NRXN3: variants seen among roughly 807,000 people sequenced by gnomAD.
NRXN3 encodes the protein neurexin III.
NRXN3 carries 32 observed loss-of-function variants against 137.6 expected under a neutral mutation model. That is an observed-to-expected ratio of 0.23 (90% CI 0.18 to 0.31). The LOEUF is 0.31. Ranked by LOEUF, NRXN3 falls within the 10% of genes least tolerant of loss-of-function variation. The probability of loss-of-function intolerance (pLI) is 1.00; values close to 1 mark genes in which losing one functional copy is unlikely to be tolerated. For synonymous variants in NRXN3, 798 were observed against 784.5 expected, an observed-to-expected ratio of 1.02 and a Z score of -0.29; for missense variants, 1,574 against 2,062.5, an observed-to-expected ratio of 0.76 and a Z score of 4.59.
chr14:79,057,760 G>A (rs988233643), intron 15 of NRXN3, among the ~76,000 whole-genome samples: 14 of 152,176 alleles, frequency 9.2e-5, no homozygotes, highest in Non-Finnish European at 1.5e-4. Context: ...GCACTGCACT[G>A]GGCAGTGAAC....
At position 78,255,513 on chromosome 14, in the gene NRXN3, T is replaced by C. The variant is rs61609009; in HGVS notation, c.709+11711T>C. ...CTATTTTTTCCTCGTGTAGAATATA[T>C]AACCAGTGGCTACATTTTAATGTGT... On this transcript the variant is annotated intron_variant, in intron 2 of 20. Coordinates refer to ENST00000335750, the MANE Select transcript of NRXN3 (RefSeq NM_001330195.2). Among the ~76,000 whole-genome samples, 390 of 152,368 alleles carry C rather than the reference T, an allele frequency of 2.6e-3. 2 individuals carry two copies. The highest frequency in any genetic ancestry group is 9.1e-3 in the African/African-American group (378 of 41,588).
chr14:78,791,126 C>CT (rs1231927163), intron 8 of NRXN3, among the ~76,000 whole-genome samples: 1 of 152,066 alleles, frequency 6.6e-6, no homozygotes, highest in Non-Finnish European at 1.5e-5. Context: ...TTTTACTTTT[C>CT]TTTTTGATTA....
intron 19 of NRXN3, among the ~76,000 whole-genome samples, chr14:79,795,754 C>A (rs1459469452): frequency 1.3e-5 from 2 of 152,000 alleles, no homozygotes; most frequent in Non-Finnish European, 2.9e-5. Context: ...AAAAGATAGC[C>A]TTGTATTTCT....
chr14:79,699,107 T>G (rs1202517260), intron 19 of NRXN3, among the ~76,000 whole-genome samples: 4 of 151,990 alleles, frequency 2.6e-5, no homozygotes, highest in African/African-American at 9.7e-5. Context: ...TTTATCGTTT[T>G]CAAAAGGCTT....
chr14:78,419,951 G>GTGCACA (rs201311935), intron 4 of NRXN3, among the ~76,000 whole-genome samples: 2 of 21,976 alleles, frequency 9.1e-5, no homozygotes, highest in African/African-American at 1.3e-4. Flanking sequence ...GTGTGCGCGC[G>GTGCACA]CGCGCGCACG....
intron 10 of NRXN3, among the ~76,000 whole-genome samples, chr14:78,938,484 C>T (rs11845894): frequency 0.12 from 18,370 of 152,126 alleles, 2,260 homozygotes; most frequent in East Asian, 0.43. Flanking sequence ...GGGCTATTAT[C>T]TCTGCAAACT....
At chr14:78,171,341 A>AGT (rs150864901) in intron 1 of NRXN3, among the ~76,000 whole-genome samples, 24,931 of 143,428 alleles carry the variant, frequency 0.17, 2,097 homozygotes, top group Admixed American at 0.21. Flanking sequence ...TGTGTGTGTG[A>AGT]GTGTGTGTGT....
intron 15 of NRXN3, among the ~76,000 whole-genome samples, chr14:78,988,785 G>GTGTA (rs1555642121): frequency 1.3e-5 from 2 of 151,646 alleles, no homozygotes; most frequent in African/African-American, 4.8e-5. Flanking sequence ...GTGTGTGTGT[G>GTGTA]TATATATATG....
Position 78,654,758 on chromosome 14 carries a change from G to T in NRXN3, c.1221+3432G>T, listed in dbSNP as rs920565633. On this transcript the variant is annotated intron_variant, in intron 6 of 20. Transcript: ENST00000335750. ...GTGTGTCTGTCTCATGTTTGTTCTT[G>T]TTGTATCCCCAGCTCCTAGAATGGT... 5.3e-5 allele frequency among the ~76,000 whole-genome samples: 8 copies of T among 152,130 alleles called. No homozygotes were observed. The East Asian group carries it at 1.3e-3, about 26-fold the overall frequency.
rs2061974545 is a variant in NRXN3 at position 78,204,254 on chromosome 14, C to CT, written c.-704+33580_-704+33581insT. Reference sequence around the variant, plus strand: ...CTATTAGATAGGCCTAAAAAAGTGACATTTTTTTTTTTGTTTTAACCTTGG... The same window carrying CT: ...CTATTAGATAGGCCTAAAAAAGTGACTATTTTTTTTTTTGTTTTAACCTTGG... On this transcript the variant is annotated intron_variant, in intron 1 of 20. Transcript: ENST00000335750. Among the ~76,000 whole-genome samples, 6 of 143,184 alleles carry CT rather than the reference C, an allele frequency of 4.2e-5. No homozygotes were observed. In the Admixed American group the frequency reaches 4.3e-4, roughly 10 times the overall value. The allele number at this position is 143,184 out of a possible 152,430, so 93.9% of individuals were successfully genotyped here.
At chr14:79,202,444 T>C (rs2066173393) in intron 15 of NRXN3, among the ~76,000 whole-genome samples, 1 of 152,104 alleles carries the variant, frequency 6.6e-6, no homozygotes, top group Non-Finnish European at 1.5e-5. Context: ...GAGTAAGTTC[T>C]TTAGTTGTGG....
intron 16 of NRXN3, among the ~76,000 whole-genome samples, chr14:79,536,339 T>A (rs1222554975): frequency 1.3e-5 from 2 of 152,024 alleles, no homozygotes; most frequent in Non-Finnish European, 2.9e-5. Flanking sequence ...GGAGGATGAG[T>A]GAAAATCATG....
chr14:79,241,849 T>C (rs958657894), intron 15 of NRXN3, among the ~76,000 whole-genome samples: 7 of 152,160 alleles, frequency 4.6e-5, no homozygotes, highest in African/African-American at 1.2e-4. Flanking sequence ...GACAGATCAC[T>C]TGAGGTCAGG....
chr14:79,004,038 A>G (rs1056296438), intron 15 of NRXN3, among the ~76,000 whole-genome samples: 5 of 152,184 alleles, frequency 3.3e-5, no homozygotes, highest in Non-Finnish European at 7.4e-5. Context: ...GAGAATAATT[A>G]TGTAGGGAAT....
At chr14:78,422,120 A>G (rs1161875192) in intron 4 of NRXN3, among the ~76,000 whole-genome samples, 1 of 152,108 alleles carries the variant, frequency 6.6e-6, no homozygotes, top group Non-Finnish European at 1.5e-5. Flanking sequence ...GCAAAGGTGA[A>G]GGTTTCTAGC....
chr14:79,436,112 T>A (rs61993139), intron 15 of NRXN3, among the ~76,000 whole-genome samples: 11,389 of 152,130 alleles, frequency 0.075, 621 homozygotes, highest in Middle Eastern at 0.14. Flanking sequence ...GCTTTTTCAT[T>A]GGGGGACACT....
At chr14:78,175,008 T>C (rs1399043361) in intron 1 of NRXN3, among the ~76,000 whole-genome samples, 2 of 152,060 alleles carry the variant, frequency 1.3e-5, no homozygotes, top group East Asian at 1.9e-4. Context: ...GGCTCGGCCT[T>C]GTTGGAGGCT....
At chr14:78,692,343 G>C (rs1442537945) in intron 6 of NRXN3, among the ~76,000 whole-genome samples, 1 of 152,022 alleles carries the variant, frequency 6.6e-6, no homozygotes, top group Non-Finnish European at 1.5e-5. Context: ...CTTGATTTCA[G>C]TTTGGCCTGA....
intron 8 of NRXN3, among the ~76,000 whole-genome samples, chr14:78,726,973 A>C (rs1008692642): frequency 3.3e-5 from 5 of 151,816 alleles, no homozygotes; most frequent in African/African-American, 4.8e-5. Context: ...AAAAAAAAAA[A>C]AAAAACCTTC....
Sources: gnomAD v4.1 joint callset for allele counts (sites outside exome capture counted in the v4.1 genomes callset) on GRCh38, gnomAD v4.1.1 for gene constraint, MANE v1.5 for transcripts, NCBI Gene and HGNC (gene_info 2026-07-23, HGNC 2026-07-21) for gene names.